Variants in NDUFS1 observed in about 807,000 individuals in gnomAD.
The protein encoded by NDUFS1 is NADH-ubiquinone oxidoreductase 75 kDa subunit, mitochondrial.
NDUFS1 carries 61 observed loss-of-function variants against 84.4 expected under a neutral mutation model. That is an observed-to-expected ratio of 0.72 (90% CI 0.59 to 0.89). NDUFS1 has a LOEUF of 0.89. Ranked by LOEUF, NDUFS1 falls within the 40% of genes least tolerant of loss-of-function variation. The pLI, the probability that NDUFS1 is intolerant of heterozygous loss-of-function variation, is 0.00. For missense variants in NDUFS1, 891 were observed against 890.0 expected (o/e 1.00, Z -0.01); for synonymous variants, 275 against 290.0 (o/e 0.95, Z 0.53).
In NDUFS1 at chr2:206,124,101, A is replaced by G; in HGVS notation, c.*84T>C. On this transcript the variant is annotated 3_prime_UTR_variant, in exon 19 of 19. Coordinates refer to ENST00000233190, the MANE Select transcript of NDUFS1 (RefSeq NM_005006.7). ...ATTCAAATTATTATTATTTTTTTTT[A>G]CAAAGAAATAAACCTGTAAAGGATC... The G allele has an allele frequency of 1.2e-6, 1 of 851,646 alleles. No individual in the cohort carries two copies. Among genetic ancestry groups the G allele is most frequent in the Non-Finnish European group, 2.0e-6 (1 of 510,212 alleles). 52.8% of individuals were successfully genotyped at this position (851,646 alleles called of 1,614,324 possible).
intron 11 of NDUFS1, 56 bp from the exon 12 acceptor site, chr2:206,142,125 A>ATATT: frequency 6.9e-7 from 1 of 1,448,448 alleles, no homozygotes; most frequent in Non-Finnish European, 9.6e-7. Flanking sequence ...CATACAGAGA[A>ATATT]TCCATGAAAT....
intron 3 of NDUFS1, among the ~76,000 whole-genome samples, chr2:206,152,192 T>C (rs921226510): frequency 2.6e-5 from 4 of 152,046 alleles, no homozygotes; most frequent in African/African-American, 9.7e-5. Flanking sequence ...TCATTTGGAA[T>C]GAAAAGTGAA....
intron 8 of NDUFS1, among the ~76,000 whole-genome samples, chr2:206,145,542 G>A (rs1692123806): frequency 6.6e-6 from 1 of 152,182 alleles, no homozygotes; most frequent in African/African-American, 2.4e-5. Flanking sequence ...GATTCAACAA[G>A]AGGGGCAGGA....
At chr2:206,145,762 G>A (rs569692614) in intron 8 of NDUFS1, among the ~76,000 whole-genome samples, 8 of 152,220 alleles carry the variant, frequency 5.3e-5, no homozygotes, top group Non-Finnish European at 7.4e-5. Flanking sequence ...GAATTTCTTC[G>A]AGGCCGGGGC....
intron 1 of NDUFS1, among the ~76,000 whole-genome samples, chr2:206,158,455 C>T (rs965596588): frequency 1.3e-5 from 2 of 152,176 alleles, no homozygotes; most frequent in Non-Finnish European, 2.9e-5. Flanking sequence ...GCATATCATC[C>T]ATTTTATTCT....
intron 4 of NDUFS1, 140 bp downstream of exon 4, chr2:206,149,678 G>A (rs1692293246): frequency 4.4e-6 from 3 of 685,296 alleles, no homozygotes; most frequent in Admixed American, 2.6e-5. Context: ...AGAATCAATT[G>A]TACAAAAGAA....
Position 206,138,637 on chromosome 2 carries a change from A to G in NDUFS1, c.1263-23T>C, listed in dbSNP as rs1469791679. ...CAGCTGAAATAAAAACAACATTTTA[A>G]GAAGTAAATAACTAAGCTAAGCAGT... is the stretch of plus-strand genomic sequence containing the variant. On this transcript the variant is annotated intron_variant, in intron 12 of 18. Coordinates refer to ENST00000233190, the MANE Select transcript of NDUFS1 (RefSeq NM_005006.7). 10 of 1,612,528 alleles carry G rather than the reference A, an allele frequency of 6.2e-6. 1 individual carries two copies. In the South Asian group the frequency reaches 8.8e-5, roughly 14 times the overall value.
rs1210512247 is a variant in NDUFS1, at chr2:206,122,129, G to A, written c.*2056C>T. The A allele has an allele frequency of 1.3e-5, 2 of 152,026 alleles. No individual in the cohort carries two copies. The highest frequency in any genetic ancestry group is 1.3e-4 in the Admixed American group (2 of 15,262). The allele number at this position is 152,026 out of a possible 1,614,324, so 9.4% of individuals were successfully genotyped here. On this transcript the variant is annotated 3_prime_UTR_variant, in exon 19 of 19. Coordinates refer to ENST00000233190, the MANE Select transcript of NDUFS1 (RefSeq NM_005006.7). ...AAAGCTGGTACAGGTGACAAATTTT[G>A]TGCAATTTTAAGTTTTACATTTTTT...
At chr2:206,133,126 C>G (rs1691580976) in intron 13 of NDUFS1, 21 bp from the exon 14 acceptor site, 1 of 1,556,070 alleles carries the variant, frequency 6.4e-7, no homozygotes, top group Non-Finnish European at 8.8e-7. Context: ...AAAAAAACAA[C>G]TTTGATTTTA....
chr2:206,132,594 A>C (rs1407503919), intron 14 of NDUFS1, among the ~76,000 whole-genome samples: 1 of 152,194 alleles, frequency 6.6e-6, no homozygotes, highest in African/African-American at 2.4e-5. Flanking sequence ...ATAATTAAAA[A>C]GAAAAAAAAA....
At chr2:206,129,983 T>G in intron 15 of NDUFS1, 105 bp downstream of exon 15, 1 of 1,433,976 alleles carries the variant, frequency 7.0e-7, no homozygotes, top group Non-Finnish European at 9.7e-7. Flanking sequence ...GGAGGCAAAA[T>G]TCTCAAATGG....
chr2:206,139,991 A>AG (rs1691874454), intron 12 of NDUFS1, among the ~76,000 whole-genome samples: 1 of 143,956 alleles, frequency 6.9e-6, no homozygotes, highest in Non-Finnish European at 1.5e-5. Flanking sequence ...GAAATTATGA[A>AG]AAAAAAAATC....
intron 15 of NDUFS1, among the ~76,000 whole-genome samples, chr2:206,128,863 C>T (rs1691397361): frequency 1.3e-5 from 2 of 151,640 alleles, no homozygotes; most frequent in African/African-American, 2.4e-5. Flanking sequence ...TAATATAATA[C>T]ACACATATAA....
At chr2:206,142,642 A>G in intron 11 of NDUFS1, 44 bp downstream of exon 11, 1 of 1,610,218 alleles carries the variant, frequency 6.2e-7, no homozygotes, top group Non-Finnish European at 8.5e-7. Flanking sequence ...ACTTGTAACT[A>G]AAAAAAGAAA....
chr2:206,144,582 C>A (rs1692087614), intron 9 of NDUFS1, among the ~76,000 whole-genome samples: 1 of 152,190 alleles, frequency 6.6e-6, no homozygotes, highest in African/African-American at 2.4e-5. Context: ...GCTGGGATTA[C>A]AGGTGTGAGT....
At position 206,116,408 on chromosome 2, in the gene NDUFS1, C is replaced by A; in HGVS notation, c.*7777G>T. 1 of 811,386 alleles carries A rather than the reference C, an allele frequency of 1.2e-6. No individual in the cohort carries two copies. Among genetic ancestry groups the A allele is most frequent in the Non-Finnish European group, 2.1e-6 (1 of 477,874 alleles). The allele number at this position is 811,386 out of a possible 1,614,324, so 50.3% of individuals were successfully genotyped here. ...ACCAGACGGCGCCCATCCCAAGCTG[C>A]CAGGGCCTCGATAGGCAGGGCGCGG... On this transcript the variant is annotated 3_prime_UTR_variant, in exon 19 of 19. Transcript: ENST00000233190.
chr2:206,148,379 G>A (rs560748327), intron 5 of NDUFS1, among the ~76,000 whole-genome samples: 31 of 152,014 alleles, frequency 2.0e-4, no homozygotes, highest in African/African-American at 6.8e-4. Flanking sequence ...GGCTGGACTC[G>A]AGCTCCTGGG....
At chr2:206,138,102 T>G (rs976920666) in intron 13 of NDUFS1, among the ~76,000 whole-genome samples, 1 of 152,316 alleles carries the variant, frequency 6.6e-6, no homozygotes, top group East Asian at 1.9e-4. Context: ...TAAGTTTTTT[T>G]GGGGGTGGGA....
In NDUFS1 at chr2:206,123,822, A is replaced by T. The variant is rs1243825081; in HGVS notation, c.*363T>A. 1 of 181,802 alleles carries T rather than the reference A, an allele frequency of 5.5e-6. No individual in the cohort carries two copies. The highest frequency in any genetic ancestry group is 1.1e-5 in the Non-Finnish European group (1 of 87,346). 11.3% of individuals were successfully genotyped at this position (181,802 alleles called of 1,614,324 possible). A position where few individuals can be genotyped will look rare whatever the true frequency, so the allele number is the denominator to read the frequency against. On this transcript the variant is annotated 3_prime_UTR_variant, in exon 19 of 19. Coordinates refer to ENST00000233190, the MANE Select transcript of NDUFS1 (RefSeq NM_005006.7). ...AAGGTGCTTAAATCTTTTCTTTAGC[A>T]CTAGAAAAAAGTAGGTTTTAATTGA... is the stretch of plus-strand genomic sequence containing the variant.
Sources: allele counts gnomAD v4.1 joint callset (sites outside exome capture counted in the v4.1 genomes callset), GRCh38; gene constraint gnomAD v4.1.1; transcripts MANE v1.5; gene names NCBI Gene and HGNC (gene_info 2026-07-23, HGNC 2026-07-21).